The following PDZD2 variants were observed in gnomAD, a reference collection of about 807,000 sequenced individuals.
PDZD2 encodes PDZ domain containing 2.
PDZD2 carries 90 observed loss-of-function variants against 220.7 expected under a neutral mutation model. The ratio of observed to expected loss-of-function variants is 0.41; its 90% CI spans 0.34 to 0.49. The LOEUF (loss-of-function observed/expected upper bound fraction) is 0.49. PDZD2 is among the 20% of genes least tolerant of loss of function. PDZD2 has a pLI of 0.28. For synonymous variants in PDZD2, 1,375 were observed against 1,450.5 expected, an observed-to-expected ratio of 0.95 and a Z score of 1.18; for missense variants, 3,174 against 3,608.5, an observed-to-expected ratio of 0.88 and a Z score of 3.08.
chr5:32,064,133 CT>C, intron 14 of PDZD2, among the ~76,000 whole-genome samples: 1 of 152,130 alleles, frequency 6.6e-6, no homozygotes, highest in Non-Finnish European at 1.5e-5. Context: ...TTGCCTTTAA[CT>C]TTTTGAAGCT....
intron 1 of PDZD2, among the ~76,000 whole-genome samples, chr5:31,796,228 CATTTT>C (rs1045352288): frequency 3.2e-4 from 48 of 152,174 alleles, no homozygotes; most frequent in Admixed American, 1.5e-3. Flanking sequence ...TTTTTTCTTT[CATTTT>C]AAAGTCGTCA....
chr5:31,972,059 T>G (rs1468233910), intron 2 of PDZD2, among the ~76,000 whole-genome samples: 2 of 152,210 alleles, frequency 1.3e-5, no homozygotes, highest in African/African-American at 4.8e-5. Flanking sequence ...CTACTCTAAC[T>G]GCAGAATTTA....
intron 19 of PDZD2, among the ~76,000 whole-genome samples, chr5:32,079,036 G>A (rs892139081): frequency 2.0e-5 from 3 of 151,526 alleles, no homozygotes; most frequent in South Asian, 4.2e-4. Context: ...AGGGGGGGCC[G>A]ATCACTTGAG....
At chr5:31,744,933 C>T (rs1277254905) in intron 1 of PDZD2, among the ~76,000 whole-genome samples, 2 of 151,898 alleles carry the variant, frequency 1.3e-5, no homozygotes, top group Non-Finnish European at 2.9e-5. Flanking sequence ...ATTAGCCGGG[C>T]GTGGTGGTGG....
chr5:32,046,201 G>T (rs1737943051), intron 7 of PDZD2, among the ~76,000 whole-genome samples: 2 of 152,214 alleles, frequency 1.3e-5, no homozygotes, highest in Admixed American at 1.3e-4. Flanking sequence ...TATAGACTAG[G>T]TATTGATAAA....
chr5:32,051,701 G>T (rs1271549206), intron 8 of PDZD2, among the ~76,000 whole-genome samples: 1 of 152,162 alleles, frequency 6.6e-6, no homozygotes, highest in African/African-American at 2.4e-5. Flanking sequence ...GATTGGAGCT[G>T]CTGCGTGTCA....
intron 1 of PDZD2, among the ~76,000 whole-genome samples, chr5:31,716,479 G>T (rs1748450901): frequency 1.3e-5 from 2 of 152,138 alleles, no homozygotes. Context: ...CAAGGAATGG[G>T]CAAGGCAGGG....
chr5:31,871,433 C>T (rs1215362761), intron 2 of PDZD2, among the ~76,000 whole-genome samples: 1 of 152,036 alleles, frequency 6.6e-6, no homozygotes, highest in East Asian at 1.9e-4. Context: ...TGCTTCCATA[C>T]CTTCATTCTC....
At chr5:31,658,435 G>A (rs1245285135) in intron 1 of PDZD2, among the ~76,000 whole-genome samples, 7 of 152,068 alleles carry the variant, frequency 4.6e-5, no homozygotes, top group African/African-American at 7.2e-5. Flanking sequence ...GCTCAGGAGC[G>A]TGTCTCCTCT....
chr5:31,768,019 A>G (rs375162885), intron 1 of PDZD2, among the ~76,000 whole-genome samples: 20 of 152,210 alleles, frequency 1.3e-4, no homozygotes, highest in Non-Finnish European at 2.8e-4. Flanking sequence ...CTGTGAGGTC[A>G]GCTCTTCCTT....
intron 2 of PDZD2, among the ~76,000 whole-genome samples, chr5:31,979,938 A>G (rs141397881): frequency 1.1e-4 from 16 of 152,300 alleles, no homozygotes; most frequent in Non-Finnish European, 1.5e-4. Flanking sequence ...TCTTAGGTAA[A>G]TAGTGTCTAT....
intron 2 of PDZD2, among the ~76,000 whole-genome samples, chr5:31,941,726 A>T (rs1746229859): frequency 6.6e-6 from 1 of 152,226 alleles, no homozygotes; most frequent in Non-Finnish European, 1.5e-5. Flanking sequence ...CTGCTGAGAC[A>T]TTAGATGCTC....
chr5:31,931,788 A>G (rs10040896), intron 2 of PDZD2, among the ~76,000 whole-genome samples: 143,935 of 152,078 alleles, frequency 0.95, 68,170 homozygotes, highest in African/African-American at 0.97. Context: ...ATCTGTATAC[A>G]ATGAAGGCCC....
chr5:31,873,098 A>G (rs1738975246), intron 2 of PDZD2, among the ~76,000 whole-genome samples: 1 of 152,162 alleles, frequency 6.6e-6, no homozygotes, highest in Non-Finnish European at 1.5e-5. Context: ...GCATGACTAC[A>G]TATGTATATA....
At chr5:31,873,546 T>TTTATTTAA (rs1739023653) in intron 2 of PDZD2, among the ~76,000 whole-genome samples, 1 of 146,348 alleles carries the variant, frequency 6.8e-6, no homozygotes, top group Non-Finnish European at 1.5e-5. Flanking sequence ...TATTTATTTA[T>TTTATTTAA]TTATTTATTT....
At chr5:32,095,249 C>G (rs1395321615) in intron 21 of PDZD2, among the ~76,000 whole-genome samples, 1 of 152,160 alleles carries the variant, frequency 6.6e-6, no homozygotes, top group East Asian at 1.9e-4. Context: ...CACCACGAGG[C>G]AGGGTTGTGG....
At position 31,825,105 on chromosome 5, in the gene PDZD2, A is replaced by G. The variant is rs145575491; in HGVS notation, c.476+25381A>G. 3.9e-3 allele frequency among the ~76,000 whole-genome samples: 588 copies of G among 152,248 alleles called. 3 individuals carry two copies. The highest frequency in any genetic ancestry group is 0.012 in the Admixed American group (182 of 15,278). On this transcript the variant is annotated intron_variant, in intron 2 of 24. Transcript: ENST00000438447. ...CTGGCCACCCACCAGGGATAGATAG[A>G]CTAAACCCAGCCATTAGACTTGACT...
At chr5:32,064,044 C>A (rs758516442) in intron 14 of PDZD2, among the ~76,000 whole-genome samples, 1 of 152,126 alleles carries the variant, frequency 6.6e-6, no homozygotes, top group South Asian at 2.1e-4. Context: ...TGGACCCATA[C>A]GGAAGTTGCA....
intron 2 of PDZD2, among the ~76,000 whole-genome samples, chr5:31,838,689 A>G (rs564435536): frequency 8.5e-5 from 13 of 152,312 alleles, no homozygotes; most frequent in African/African-American, 2.4e-4. Context: ...TTTTTCATTG[A>G]CTTAGTAGAG....
Sources: allele counts gnomAD v4.1 joint callset (sites outside exome capture counted in the v4.1 genomes callset), GRCh38; gene constraint gnomAD v4.1.1; transcripts MANE v1.5; gene names NCBI Gene and HGNC (gene_info 2026-07-23, HGNC 2026-07-21).